The following CALN1 variants were observed in gnomAD, a reference collection of about 807,000 sequenced individuals.
CALN1 encodes the protein calcium-binding protein 8.
In CALN1, 17 loss-of-function variants were observed where a neutral mutation model predicts 30.6. The ratio of observed to expected loss-of-function variants is 0.56; its 90% CI spans 0.38 to 0.83. The LOEUF (loss-of-function observed/expected upper bound fraction) is 0.83, where lower values mean the gene tolerates loss of function less well. Among genes scored for constraint, CALN1 ranks in the 40% least tolerant of loss-of-function variants. The pLI is 0.00. For missense variants in CALN1, 291 were observed against 354.9 expected (o/e 0.82, Z 1.45); for synonymous variants, 156 against 131.4 (o/e 1.19, Z -1.28).
intron 3 of CALN1, among the ~76,000 whole-genome samples, chr7:72,270,034 G>C (rs1796868229): frequency 6.6e-6 from 1 of 151,862 alleles, no homozygotes. Context: ...CAAAGAAATG[G>C]GAACTATAAA....
intron 3 of CALN1, among the ~76,000 whole-genome samples, chr7:72,224,794 A>G (rs1337775392): frequency 6.6e-6 from 1 of 151,964 alleles, no homozygotes; most frequent in East Asian, 1.9e-4. Flanking sequence ...ATTAAAAAAA[A>G]AGAGCAGGAT....
At chr7:72,337,365 G>C in intron 2 of CALN1, 2 of 917,798 alleles carry the variant, frequency 2.2e-6, no homozygotes, top group Non-Finnish European at 2.6e-6. Flanking sequence ...GGCTCCCTCG[G>C]TTTCCAAGCA....
chr7:71,897,972 C>CAAAAAAAAAAAAA (rs1207497270), intron 5 of CALN1, among the ~76,000 whole-genome samples: 1 of 59,042 alleles, frequency 1.7e-5, no homozygotes, highest in Non-Finnish European at 2.7e-5. Flanking sequence ...AAACAAAAAA[C>CAAAAAAAAAAAAA]AAAAAAAAAA....
intron 5 of CALN1, among the ~76,000 whole-genome samples, chr7:71,843,007 GGTT>G (rs1425447068): frequency 6.6e-6 from 1 of 152,174 alleles, no homozygotes; most frequent in Non-Finnish European, 1.5e-5. Context: ...GGTAGTGAGA[GGTT>G]GTTATTTCAT....
At chr7:71,796,552 G>A (rs1005738863) in intron 6 of CALN1, among the ~76,000 whole-genome samples, 1 of 151,614 alleles carries the variant, frequency 6.6e-6, no homozygotes, top group African/African-American at 2.4e-5. Context: ...GTAGAGATGG[G>A]TTCCACTACG....
At chr7:72,046,817 C>G (rs1382125419) in intron 4 of CALN1, among the ~76,000 whole-genome samples, 1 of 151,498 alleles carries the variant, frequency 6.6e-6, no homozygotes, top group African/African-American at 2.4e-5. Context: ...TGCATGAGCC[C>G]AGGAGTCTGA....
At chr7:72,202,769 T>C (rs1428488128) in intron 3 of CALN1, among the ~76,000 whole-genome samples, 2 of 152,188 alleles carry the variant, frequency 1.3e-5, no homozygotes, top group East Asian at 3.8e-4. Flanking sequence ...AATATCACCT[T>C]AGTTCCACCA....
chr7:72,396,191 G>A (rs1162668348), intron 2 of CALN1, among the ~76,000 whole-genome samples: 1 of 138,454 alleles, frequency 7.2e-6, no homozygotes, highest in East Asian at 2.3e-4. Context: ...AAAGTCAGGA[G>A]TTCGAGACCA....
At chr7:71,826,337 T>C (rs1346975483) in intron 5 of CALN1, among the ~76,000 whole-genome samples, 1 of 152,122 alleles carries the variant, frequency 6.6e-6, no homozygotes. Context: ...TGAGCACCTA[T>C]TGACTCCCAC....
chr7:72,168,801 TATTA>T (rs768193839), intron 3 of CALN1, among the ~76,000 whole-genome samples: 12 of 100,860 alleles, frequency 1.2e-4, no homozygotes, highest in Admixed American at 1.9e-4. Context: ...TTATTATTAT[TATTA>T]TTTTTTTTTT....
At chr7:71,834,456 G>A (rs903675003) in intron 5 of CALN1, among the ~76,000 whole-genome samples, 2 of 150,988 alleles carry the variant, frequency 1.3e-5, no homozygotes, top group Non-Finnish European at 2.9e-5. Flanking sequence ...GAGAGGAACA[G>A]CAAGGTAAGG....
At chr7:72,297,602 A>T (rs931896692) in intron 2 of CALN1, among the ~76,000 whole-genome samples, 1 of 152,240 alleles carries the variant, frequency 6.6e-6, no homozygotes, top group Non-Finnish European at 1.5e-5. Context: ...AAACCTTGAC[A>T]TAACACTTTG....
At chr7:72,369,927 T>A (rs576250279) in intron 2 of CALN1, among the ~76,000 whole-genome samples, 1 of 152,246 alleles carries the variant, frequency 6.6e-6, no homozygotes, top group Non-Finnish European at 1.5e-5. Flanking sequence ...CTGCAATTAG[T>A]AGTCATGTTT....
At chr7:72,309,145 T>C (rs12539817) in intron 2 of CALN1, among the ~76,000 whole-genome samples, 41,559 of 152,112 alleles carry the variant, frequency 0.27, 6,665 homozygotes, top group Non-Finnish European at 0.37. Flanking sequence ...GCCTGCCTTT[T>C]TCATTTTCTC....
intron 3 of CALN1, among the ~76,000 whole-genome samples, chr7:72,229,829 G>A (rs891258526): frequency 2.0e-5 from 3 of 151,812 alleles, no homozygotes; most frequent in Non-Finnish European, 4.4e-5. Context: ...AATACATAAT[G>A]CATTTGCAGG....
chr7:72,092,760 T>C (rs1441591944), intron 4 of CALN1, among the ~76,000 whole-genome samples: 1 of 151,930 alleles, frequency 6.6e-6, no homozygotes, highest in Non-Finnish European at 1.5e-5. Flanking sequence ...CCTTTGATAA[T>C]AATCATGGCC....
chr7:72,097,843 A>G (rs1274504504), intron 4 of CALN1, among the ~76,000 whole-genome samples: 3 of 152,104 alleles, frequency 2.0e-5, no homozygotes, highest in Non-Finnish European at 4.4e-5. Context: ...CCTGCTGAGC[A>G]GCTGGGATTA....
chr7:72,338,084 A>C (rs527800920), intron 2 of CALN1, among the ~76,000 whole-genome samples: 1 of 152,316 alleles, frequency 6.6e-6, no homozygotes, highest in African/African-American at 2.4e-5. Context: ...TCTTGGCAAG[A>C]AAAAGAAAGA....
intron 5 of CALN1, among the ~76,000 whole-genome samples, chr7:71,872,612 CT>C (rs34514644): frequency 0.24 from 36,147 of 150,218 alleles, 4,623 homozygotes; most frequent in African/African-American, 0.3. Context: ...ACTTTTCTTT[CT>C]TTTTTTCTTT....
Sources: allele counts gnomAD v4.1 joint callset (sites outside exome capture counted in the v4.1 genomes callset), GRCh38; gene constraint gnomAD v4.1.1; transcripts MANE v1.5; gene names NCBI Gene and HGNC (gene_info 2026-07-23, HGNC 2026-07-21).